SLC44A2: variants seen among roughly 807,000 people sequenced by gnomAD.
SLC44A2 encodes the protein solute carrier family 44 member 2 (CTL2 blood group), also known as choline transporter-like protein 2.
A neutral mutation model predicts 90.8 loss-of-function variants in SLC44A2; 57 were observed. That is an observed-to-expected ratio of 0.63 (90% CI 0.51 to 0.78). The LOEUF (loss-of-function observed/expected upper bound fraction) is 0.78. Among genes scored for constraint, SLC44A2 ranks in the 30% least tolerant of loss-of-function variants. The probability of loss-of-function intolerance (pLI) is 0.00; values close to 1 mark genes in which losing one functional copy is unlikely to be tolerated. For missense variants in SLC44A2, 794 were observed against 919.7 expected, an observed-to-expected ratio of 0.86 and a Z score of 1.77; for synonymous variants, 355 against 360.7, an observed-to-expected ratio of 0.98 and a Z score of 0.18.
At position 10,604,937 on chromosome 19, in the gene SLC44A2, G is replaced by A. The variant is rs372824343; in HGVS notation, c.31+2376G>A. Among the ~76,000 whole-genome samples the A allele has an allele frequency of 1.1e-3, 169 of 152,248 alleles. 5 individuals carry two copies. The South Asian group carries it at 0.026, about 23-fold the overall frequency. ...AAATGGGGAAATGGCTCTGGGCCCC[G>A]GCGGATGTCAGCAATGGGCATTGCC... is the stretch of plus-strand genomic sequence containing the variant. On this transcript the variant is annotated intron_variant, in intron 1 of 21. Transcript: ENST00000407327.
At chr19:10,607,252 A>G (rs1452004439) in intron 1 of SLC44A2, among the ~76,000 whole-genome samples, 1 of 151,950 alleles carries the variant, frequency 6.6e-6, no homozygotes, top group Non-Finnish European at 1.5e-5. Flanking sequence ...ATACATTCAC[A>G]TGCTTTAAAT....
In SLC44A2 at chr19:10,625,685, C is replaced by T; in HGVS notation, c.37+15C>T. 2 of 1,249,064 alleles carry T rather than the reference C, an allele frequency of 1.6e-6. No individual in the cohort carries two copies. The highest frequency in any genetic ancestry group is 3.8e-5 in the South Asian group (1 of 26,270). The allele number at this position is 1,249,064 out of a possible 1,614,324, so 77.4% of individuals were successfully genotyped here. ...CGGGAAACACGGTAGGCAGCGACCC[C>T]CGCCCGTAGCCCCGGGCCGACCCCT... On this transcript the variant is annotated intron_variant, in intron 1 of 21. Transcript: ENST00000335757.
upstream of SLC44A2, chr19:10,625,494 C>A (rs1291452503): frequency 1.6e-6 from 2 of 1,221,002 alleles, no homozygotes; most frequent in Non-Finnish European, 2.0e-6. Context: ...CCGGTCTGAC[C>A]GGTTTGGGCC....
In SLC44A2 at chr19:10,631,908, C is replaced by T. The variant is rs547104429; in HGVS notation, c.667C>T (p.Arg223Cys). 8 of 1,614,228 alleles carry T rather than the reference C, an allele frequency of 5.0e-6. No homozygotes were observed. The highest frequency in any genetic ancestry group is 2.7e-5 in the African/African-American group (2 of 75,074). The stretch of plus-strand genomic sequence containing the variant: ...CCTAGAGGCGCGGCAACTCGCCATG[C>T]GCATATTTGAAGATTACACCGTCTC... Reference protein sequence around the residue: ...GVLEARQLAMRIFEDYTVSWY... With the variant: ...GVLEARQLAMCIFEDYTVSWY... The change falls in exon 9 of 22, where the codon CGC becomes TGC. Residue 223 changes from arginine to cysteine, a missense_variant. Transcript: ENST00000335757.
At chr19:10,642,022 T>TG (rs1214667122) in intron 20 of SLC44A2, among the ~76,000 whole-genome samples, 1 of 151,250 alleles carries the variant, frequency 6.6e-6, no homozygotes, top group Non-Finnish European at 1.5e-5. Context: ...GAGCCAGGCG[T>TG]GGTGGCACGT....
intron 1 of SLC44A2, among the ~76,000 whole-genome samples, chr19:10,613,855 A>G (rs1460868896): frequency 1.3e-5 from 2 of 152,018 alleles, no homozygotes; most frequent in Non-Finnish European, 2.9e-5. Flanking sequence ...TTCCCCTAAA[A>G]TCTCCGAAAG....
At chr19:10,614,029 G>A (rs1288248016) in intron 1 of SLC44A2, among the ~76,000 whole-genome samples, 6 of 151,814 alleles carry the variant, frequency 4.0e-5, no homozygotes, top group African/African-American at 1.5e-4. Flanking sequence ...GCAGTGATGC[G>A]ATCTTGGCTC....
chr19:10,638,709 ACTGAAACCT>A (rs2067085414), intron 20 of SLC44A2, among the ~76,000 whole-genome samples: 1 of 151,666 alleles, frequency 6.6e-6, no homozygotes, highest in African/African-American at 2.4e-5. Context: ...ATCTTGGCTT[ACTGAAACCT>A]TCACCTCTCT....
At chr19:10,642,829 T>C in intron 21 of SLC44A2, 1 of 1,499,268 alleles carries the variant, frequency 6.7e-7, no homozygotes, top group East Asian at 2.5e-5. Flanking sequence ...TGTTCTTCCC[T>C]GCCTCCCTCT....
rs762500761 is a variant in SLC44A2, at chr19:10,632,168, C to G, written c.823+12C>G. 1.4e-5 allele frequency: 22 copies of G among 1,600,426 alleles called. No homozygotes were observed. The Admixed American group carries it at 3.2e-4, about 23-fold the overall frequency. On this transcript the variant is annotated intron_variant, in intron 10 of 21. Transcript: ENST00000335757. ...GGTGCTGGGCTACGGTGCGTCACCC[C>G]CTCCCTGTGGCTTCTCTTTCCTGAA...
intron 1 of SLC44A2, among the ~76,000 whole-genome samples, chr19:10,609,106 T>C (rs1239353305): frequency 1.3e-5 from 2 of 149,762 alleles, no homozygotes; most frequent in Non-Finnish European, 3.0e-5. Flanking sequence ...TACAGGCATG[T>C]GCCACCACGC....
chr19:10,610,092 C>A (rs910913284), intron 1 of SLC44A2, among the ~76,000 whole-genome samples: 4 of 151,936 alleles, frequency 2.6e-5, no homozygotes, highest in African/African-American at 9.7e-5. Context: ...AGGCGTGAGC[C>A]ACCGAGCCTG....
At chr19:10,615,429 C>T (rs778710586) in intron 1 of SLC44A2, among the ~76,000 whole-genome samples, 4 of 152,162 alleles carry the variant, frequency 2.6e-5, no homozygotes, top group Non-Finnish European at 2.9e-5. Context: ...CAAAAATTAG[C>T]CAGGCATGGT....
At chr19:10,623,183 G>C (rs1031664312), upstream of SLC44A2, among the ~76,000 whole-genome samples, 4 of 152,114 alleles carry the variant, frequency 2.6e-5, no homozygotes, top group Admixed American at 2.6e-4. Flanking sequence ...CAGAGACTTC[G>C]AGAACCACAG....
chr19:10,620,821 T>C (rs1188061151), upstream of SLC44A2, among the ~76,000 whole-genome samples: 2 of 151,688 alleles, frequency 1.3e-5, no homozygotes, highest in Non-Finnish European at 2.9e-5. Flanking sequence ...CTTGAGCCCA[T>C]TGAGCACAGG....
At chr19:10,637,288 G>C (rs2067067863) in intron 16 of SLC44A2, 2 of 261,036 alleles carry the variant, frequency 7.7e-6, no homozygotes, top group Admixed American at 1.0e-4. Flanking sequence ...GGAGGTTGAG[G>C]TTTCAGTGGG....
At chr19:10,616,349 G>A (rs2066854902) in intron 1 of SLC44A2, among the ~76,000 whole-genome samples, 1 of 152,008 alleles carries the variant, frequency 6.6e-6, no homozygotes, top group Non-Finnish European at 1.5e-5. Context: ...TCTCACCTCA[G>A]GCTCGCAAGT....
chr19:10,618,336 G>A (rs1028648658), intron 1 of SLC44A2, among the ~76,000 whole-genome samples: 4 of 151,288 alleles, frequency 2.6e-5, no homozygotes, highest in Middle Eastern at 3.5e-3. Flanking sequence ...TGCCACACCC[G>A]GCTACTTTTT....
At chr19:10,634,320 C>T (rs930436318) in intron 10 of SLC44A2, among the ~76,000 whole-genome samples, 3 of 150,650 alleles carry the variant, frequency 2.0e-5, no homozygotes, top group East Asian at 2.0e-4. Context: ...CAAAATTAGC[C>T]GGGCATGGTG....
Sources: gnomAD v4.1 joint callset for allele counts (sites outside exome capture counted in the v4.1 genomes callset) on GRCh38, gnomAD v4.1.1 for gene constraint, MANE v1.5 for transcripts, NCBI Gene and HGNC (gene_info 2026-07-23, HGNC 2026-07-21) for gene names.